RBMS3: variants seen among roughly 807,000 people sequenced by gnomAD.
The protein encoded by RBMS3 is RNA-binding motif, single-stranded-interacting protein 3.
A neutral mutation model predicts 66.8 loss-of-function variants in RBMS3; 27 were observed. The ratio of observed to expected loss-of-function variants is 0.40; its 90% CI spans 0.30 to 0.56. RBMS3 has a LOEUF of 0.56. Among genes scored for constraint, RBMS3 ranks in the 20% least tolerant of loss-of-function variants. The pLI is 0.40. For synonymous variants in RBMS3, 188 were observed against 183.0 expected, an observed-to-expected ratio of 1.03 and a Z score of -0.22; for missense variants, 513 against 549.5, an observed-to-expected ratio of 0.93 and a Z score of 0.66.
chr3:29,459,233 C>T (rs755867039), intron 2 of RBMS3, among the ~76,000 whole-genome samples: 4 of 152,104 alleles, frequency 2.6e-5, no homozygotes, highest in Non-Finnish European at 5.9e-5. Flanking sequence ...AAGTTTTCTT[C>T]GTTTGAAATT....
chr3:29,654,521 CGTGTGTGTGTGTGTGTGTGTGT>C (rs56163408), intron 4 of RBMS3, among the ~76,000 whole-genome samples: 401 of 118,990 alleles, frequency 3.4e-3, no homozygotes, highest in Middle Eastern at 4.5e-3. Flanking sequence ...GAATTGGATT[CGTGTGTGTGTGTGTGTGTGTGT>C]GTGTGTGTGT....
At chr3:29,561,309 A>T in intron 3 of RBMS3, among the ~76,000 whole-genome samples, 1 of 152,188 alleles carries the variant, frequency 6.6e-6, no homozygotes, top group Non-Finnish European at 1.5e-5. Context: ...TCTTTAGACC[A>T]AAGTATTTAG....
chr3:29,600,598 A>G (rs774972561), intron 4 of RBMS3, among the ~76,000 whole-genome samples: 5 of 152,078 alleles, frequency 3.3e-5, no homozygotes, highest in Non-Finnish European at 7.4e-5. Flanking sequence ...AAAACTGACT[A>G]AGACACAGAT....
At chr3:29,374,790 A>G (rs1403187476) in intron 1 of RBMS3, among the ~76,000 whole-genome samples, 3 of 152,236 alleles carry the variant, frequency 2.0e-5, no homozygotes, top group Admixed American at 6.5e-5. Context: ...AGAAAAGGCA[A>G]TACTCAAAAC....
intron 14 of RBMS3, among the ~76,000 whole-genome samples, chr3:30,003,314 G>T (rs1699694101): frequency 6.6e-6 from 1 of 151,942 alleles, no homozygotes; most frequent in African/African-American, 2.4e-5. Context: ...AGGGTAAAGG[G>T]TAGAAGTAAA....
intron 1 of RBMS3, among the ~76,000 whole-genome samples, chr3:29,321,083 T>C (rs1213328570): frequency 6.6e-6 from 1 of 152,124 alleles, no homozygotes; most frequent in Non-Finnish European, 1.5e-5. Flanking sequence ...GCTCAGTTCA[T>C]AGGGCAGGAA....
At position 29,721,240 on chromosome 3, in the gene RBMS3, G is replaced by A. The variant is rs529379545; in HGVS notation, c.400-18480G>A. Among the ~76,000 whole-genome samples the A allele has an allele frequency of 4.6e-5, 7 of 152,074 alleles. No individual in the cohort carries two copies. In the South Asian group the frequency reaches 6.2e-4, roughly 14 times the overall value. ...ACTATAACAGAGGCATTTATGCCTC[G>A]TTACATCCTTGCACACATGTAAGGA... is the stretch of plus-strand genomic sequence containing the variant. On this transcript the variant is annotated intron_variant, in intron 4 of 14. Coordinates refer to ENST00000383767, the MANE Select transcript of RBMS3 (RefSeq NM_001003793.3).
chr3:29,894,295 T>C (rs2060071651), intron 8 of RBMS3, among the ~76,000 whole-genome samples: 1 of 151,540 alleles, frequency 6.6e-6, no homozygotes, highest in Non-Finnish European at 1.5e-5. Flanking sequence ...CATGGCTCAC[T>C]GTAGCCTCAA....
intron 3 of RBMS3, among the ~76,000 whole-genome samples, chr3:29,535,049 A>G (rs1325687172): frequency 6.6e-6 from 1 of 152,192 alleles, no homozygotes; most frequent in African/African-American, 2.4e-5. Flanking sequence ...TGTGAATAAA[A>G]CTGAGTGCAA....
At chr3:29,474,616 G>A (rs1385363927) in intron 2 of RBMS3, among the ~76,000 whole-genome samples, 5 of 152,210 alleles carry the variant, frequency 3.3e-5, no homozygotes, top group Non-Finnish European at 7.3e-5. Flanking sequence ...ACACAGACAA[G>A]GAAGGCACAA....
chr3:29,491,257 C>T (rs535287016), intron 3 of RBMS3, among the ~76,000 whole-genome samples: 9 of 152,260 alleles, frequency 5.9e-5, no homozygotes, highest in South Asian at 2.1e-4. Context: ...TCCCTATCCA[C>T]GCTATTTTGC....
At position 29,281,664 on chromosome 3, in the gene RBMS3, G is replaced by C. The variant is rs779188636; in HGVS notation, c.-18G>C. On this transcript the variant is annotated 5_prime_UTR_variant, in exon 1 of 15. Transcript: ENST00000383767. The stretch of plus-strand genomic sequence containing the variant: ...CTGTCATCCAGTTCCCTGCCTCGGA[G>C]ATAAAGATTCCAGCTACATGGGCAA... 1 of 1,609,590 alleles carries C rather than the reference G, an allele frequency of 6.2e-7. No homozygotes were observed. The highest frequency in any genetic ancestry group is 8.5e-7 in the Non-Finnish European group (1 of 1,176,110).
chr3:29,750,333 A>G (rs2055117227), intron 5 of RBMS3, among the ~76,000 whole-genome samples: 1 of 152,196 alleles, frequency 6.6e-6, no homozygotes, highest in Non-Finnish European at 1.5e-5. Flanking sequence ...GAGAAGACTT[A>G]AAGTAAAACG....
chr3:29,666,597 G>GACATACATA (rs1292129085), intron 4 of RBMS3, among the ~76,000 whole-genome samples: 2 of 150,388 alleles, frequency 1.3e-5, no homozygotes, highest in Non-Finnish European at 3.0e-5. Context: ...GGAGGGAATG[G>GACATACATA]CACATACATA....
At chr3:29,921,962 T>C (rs77957067) in intron 10 of RBMS3, among the ~76,000 whole-genome samples, 1 of 152,082 alleles carries the variant, frequency 6.6e-6, no homozygotes, top group Admixed American at 6.6e-5. Flanking sequence ...CAGTGGGAGA[T>C]GCAAGTCTTG....
chr3:29,829,184 A>G (rs2058297429), intron 6 of RBMS3, among the ~76,000 whole-genome samples: 1 of 152,070 alleles, frequency 6.6e-6, no homozygotes, highest in Non-Finnish European at 1.5e-5. Context: ...AGCTGAGACT[A>G]CAGGGGCATG....
At chr3:29,648,261 C>CTGTTTTTTTTTTTTTTTTTTTTT (rs1576434694) in intron 4 of RBMS3, among the ~76,000 whole-genome samples, 1 of 88,146 alleles carries the variant, frequency 1.1e-5, no homozygotes, top group Admixed American at 1.2e-4. Flanking sequence ...TAGAAAATGT[C>CTGTTTTTTTTTTTTTTTTTTTTT]TATTTTTTTT....
chr3:29,307,265 A>G (rs1186167775), intron 1 of RBMS3, among the ~76,000 whole-genome samples: 1 of 151,930 alleles, frequency 6.6e-6, no homozygotes, highest in East Asian at 1.9e-4. Context: ...AGAAATTGTA[A>G]GTTGAGGGTT....
chr3:29,443,111 G>A (rs2041687578), intron 2 of RBMS3, among the ~76,000 whole-genome samples: 1 of 152,198 alleles, frequency 6.6e-6, no homozygotes, highest in African/African-American at 2.4e-5. Context: ...ATTGTCCAAA[G>A]AGGGTTATTC....
Sources: gnomAD v4.1 joint callset for allele counts (sites outside exome capture counted in the v4.1 genomes callset) on GRCh38, gnomAD v4.1.1 for gene constraint, MANE v1.5 for transcripts, NCBI Gene and HGNC (gene_info 2026-07-23, HGNC 2026-07-21) for gene names.